CRACR2A: variants seen among roughly 807,000 people sequenced by gnomAD.
CRACR2A encodes calcium release activated channel regulator 2A, also known as EF-hand calcium-binding domain-containing protein 4B.
Under a neutral mutation model 90.5 loss-of-function variants are expected in CRACR2A, and 79 were observed. That is an observed-to-expected ratio of 0.87 (90% CI 0.73 to 1.05). The LOEUF is 1.05. Among genes scored for constraint, CRACR2A ranks in the 50% least tolerant of loss-of-function variants. CRACR2A has a pLI of 0.00. For missense variants in CRACR2A, 823 were observed against 897.2 expected (o/e 0.92, Z 1.06); for synonymous variants, 338 against 356.7 (o/e 0.95, Z 0.59).
At chr12:3,701,315 T>C (rs1278526605) in intron 3 of CRACR2A, among the ~76,000 whole-genome samples, 1 of 151,418 alleles carries the variant, frequency 6.6e-6, no homozygotes, top group Non-Finnish European at 1.5e-5. Flanking sequence ...GAAAAATAAA[T>C]ACAAATTAAA....
intron 15 of CRACR2A, among the ~76,000 whole-genome samples, chr12:3,631,934 C>T (rs1944383183): frequency 6.6e-6 from 1 of 152,182 alleles, no homozygotes; most frequent in Non-Finnish European, 1.5e-5. Flanking sequence ...GAGACCCAGG[C>T]TTGGAGGCAG....
intron 7 of CRACR2A, among the ~76,000 whole-genome samples, chr12:3,666,869 G>T (rs11062758): frequency 0.17 from 25,731 of 152,222 alleles, 2,638 homozygotes; most frequent in East Asian, 0.41. Flanking sequence ...GGGGTGTGCT[G>T]AAATCATTCC....
chr12:3,663,682 A>G (rs553856221), intron 7 of CRACR2A, among the ~76,000 whole-genome samples: 45 of 152,226 alleles, frequency 3.0e-4, no homozygotes, highest in Non-Finnish European at 6.0e-4. Context: ...CTGAATGCCC[A>G]GTGTATGAGT....
rs71579247 is a variant in CRACR2A at position 3,696,991 on chromosome 12, G to A, written c.9C>T (p.Ala3=). 4,688 of 1,611,674 alleles carry A rather than the reference G, an allele frequency of 2.9e-3. 9 individuals are homozygous for A. The highest frequency in any genetic ancestry group is 3.4e-3 in the Non-Finnish European group (4,030 of 1,178,846). MA[A]PDGRVVSRPQ... is the part of the protein sequence containing the mutation. ...GTCTGGAGACTACCCTCCCGTCAGG[G>A]GCAGCCATCGCGATTAGTCAGTTTC... The change falls in exon 4 of 20, where the codon GCC becomes GCT. Residue 3 remains alanine (A), a synonymous_variant. Transcript: ENST00000440314.
chr12:3,748,655 A>T (rs1946659259), intron 1 of CRACR2A, among the ~76,000 whole-genome samples: 1 of 152,194 alleles, frequency 6.6e-6, no homozygotes, highest in African/African-American at 2.4e-5. Flanking sequence ...GAACTTCAAG[A>T]GGTCCTTCCT....
intron 2 of CRACR2A, among the ~76,000 whole-genome samples, chr12:3,715,717 T>C (rs967496426): frequency 1.4e-4 from 22 of 152,156 alleles, no homozygotes; most frequent in Admixed American, 1.2e-3. Flanking sequence ...AGATGAAAAT[T>C]ACAAATATAA....
chr12:3,723,125 G>A (rs1308738581), intron 2 of CRACR2A, among the ~76,000 whole-genome samples: 2 of 152,178 alleles, frequency 1.3e-5, no homozygotes, highest in African/African-American at 4.8e-5. Context: ...GCTGGACTGC[G>A]AGCTCCTTGA....
chr12:3,750,310 C>T (rs1276683571), intron 1 of CRACR2A, among the ~76,000 whole-genome samples: 2 of 152,254 alleles, frequency 1.3e-5, no homozygotes, highest in East Asian at 3.9e-4. Flanking sequence ...GTGCAGAAAG[C>T]AAAACCTCTG....
Position 3,746,023 on chromosome 12 carries a change from G to A in CRACR2A, c.-387+6992C>T, listed in dbSNP as rs1168432373. On this transcript the variant is annotated intron_variant, in intron 1 of 19. Coordinates refer to ENST00000440314, the MANE Select transcript of CRACR2A (RefSeq NM_001144958.2). The surrounding 1 kb of genome is among the most constrained non-coding windows in gnomAD (Gnocchi z 4.4). ...GGCCCTGTCGAGGGGGTGAAGGGCT[G>A]TTCCTGTGCCTCAGGGCCCTGTGCT... Among the ~76,000 whole-genome samples the A allele has an allele frequency of 6.6e-6, 1 of 152,000 alleles. No homozygotes were observed. The highest frequency in any genetic ancestry group is 2.4e-5 in the African/African-American group (1 of 41,388).
At chr12:3,616,872 G>C (rs1867694152) in intron 19 of CRACR2A, 82 bp downstream of exon 19, 1 of 1,124,004 alleles carries the variant, frequency 8.9e-7, no homozygotes, top group East Asian at 2.6e-5. Context: ...TGTGGCCTGG[G>C]TGGAGGGAAA....
chr12:3,625,709 G>A (rs545809606), intron 17 of CRACR2A, among the ~76,000 whole-genome samples: 2 of 151,104 alleles, frequency 1.3e-5, no homozygotes, highest in South Asian at 4.3e-4. Flanking sequence ...CTCTGACGGA[G>A]ATGGGGGATG....
intron 7 of CRACR2A, among the ~76,000 whole-genome samples, chr12:3,663,290 G>A (rs1945072719): frequency 6.6e-6 from 1 of 151,850 alleles, no homozygotes; most frequent in African/African-American, 2.4e-5. Context: ...CTTCAGATTT[G>A]GAAGGTTTGT....
chr12:3,699,273 C>T (rs982693268), intron 3 of CRACR2A, among the ~76,000 whole-genome samples: 1 of 152,192 alleles, frequency 6.6e-6, no homozygotes, highest in Admixed American at 6.5e-5. Context: ...ATCATTTTAA[C>T]GGGAACGTCT....
intron 11 of CRACR2A, among the ~76,000 whole-genome samples, chr12:3,647,101 C>T (rs1456300463): frequency 1.3e-5 from 2 of 152,160 alleles, no homozygotes; most frequent in African/African-American, 4.8e-5. Flanking sequence ...CAATGTCCTT[C>T]GGATGGCAGC....
At chr12:3,686,491 AC>A (rs998998666) in intron 4 of CRACR2A, among the ~76,000 whole-genome samples, 2 of 152,160 alleles carry the variant, frequency 1.3e-5, no homozygotes, top group Admixed American at 1.3e-4. Context: ...GTGTTGGTAG[AC>A]AATCCTTTTA....
At chr12:3,622,777 A>G (rs1343017297) in intron 17 of CRACR2A, among the ~76,000 whole-genome samples, 4 of 152,182 alleles carry the variant, frequency 2.6e-5, no homozygotes, top group African/African-American at 9.7e-5. Context: ...CTAAGAAAAA[A>G]AATGCCTGCA....
chr12:3,667,879 T>C (rs1945175590), intron 7 of CRACR2A, among the ~76,000 whole-genome samples: 1 of 152,140 alleles, frequency 6.6e-6, no homozygotes, highest in African/African-American at 2.4e-5. Flanking sequence ...ATGATTAGAG[T>C]AGAGCTGAAT....
chr12:3,627,784 A>C, intron 15 of CRACR2A, 78 bp from the exon 16 acceptor site: 2 of 1,385,118 alleles, frequency 1.4e-6, no homozygotes. Flanking sequence ...CAATGCTTCC[A>C]ACATCTGAAA....
chr12:3,734,655 A>ATGTGTGTG (rs1475033071), intron 1 of CRACR2A, among the ~76,000 whole-genome samples: 1,237 of 74,718 alleles, frequency 0.017, 17 homozygotes, highest in African/African-American at 0.053. Flanking sequence ...GTGTGTGTGC[A>ATGTGTGTG]TATACATAAT....
Sources: gnomAD v4.1 joint callset for allele counts (sites outside exome capture counted in the v4.1 genomes callset) on GRCh38, gnomAD v4.1.1 for gene constraint, Gnocchi (gnomAD v3.1) non-coding constraint, MANE v1.5 for transcripts, NCBI Gene and HGNC (gene_info 2026-07-23, HGNC 2026-07-21) for gene names.